IL31RA: variants seen among roughly 807,000 people sequenced by gnomAD.
IL31RA encodes the protein interleukin-31 receptor subunit alpha.
In IL31RA, 66 loss-of-function variants were observed where a neutral mutation model predicts 83.7. The observed-to-expected ratio is 0.79, with a 90% CI of 0.65 to 0.97. The LOEUF (loss-of-function observed/expected upper bound fraction) is 0.97, where lower values mean the gene tolerates loss of function less well. IL31RA is among the 50% of genes least tolerant of loss of function. The pLI, the probability that IL31RA is intolerant of heterozygous loss-of-function variation, is 0.00. For missense variants in IL31RA, 798 were observed against 919.4 expected (o/e 0.87, Z 1.71); for synonymous variants, 325 against 329.0 (o/e 0.99, Z 0.13).
chr5:55,915,016 T>C (rs528334052), intron 14 of IL31RA, 88 bp downstream of exon 14: 28 of 1,023,322 alleles, frequency 2.7e-5, no homozygotes, highest in Non-Finnish European at 3.7e-5. Context: ...TAGGCTGAGC[T>C]TTTTTCAAGG....
Position 55,908,702 on chromosome 5 carries a change from C to T in IL31RA, c.1501+291C>T, listed in dbSNP as rs781090762. 4.5e-5 allele frequency: 66 copies of T among 1,462,416 alleles called. No individual in the cohort carries two copies. The South Asian group carries it at 6.0e-4, about 13-fold the overall frequency. 90.6% of individuals were successfully genotyped at this position (1,462,416 alleles called of 1,614,324 possible). A position where few individuals can be genotyped will look rare whatever the true frequency, so the allele number is the denominator to read the frequency against. On this transcript the variant is annotated intron_variant, in intron 11 of 14. Transcript: ENST00000652347. ...CTGAATTGACCTCCCGGGAGCTCCC[C>T]GACCATCATTCCCAGGAATGGCGTG...
intron 4 of IL31RA, among the ~76,000 whole-genome samples, chr5:55,879,408 T>G (rs1026634815): frequency 2.0e-5 from 3 of 146,850 alleles, no homozygotes; most frequent in Admixed American, 2.0e-4. Flanking sequence ...ACAAGTTTAG[T>G]TCAGCCAGTT....
rs1196040929 is a variant in IL31RA at position 55,920,516 on chromosome 5, C to T, written c.*3396C>T. ...GGAACACAGCCATGCCCATCGTTGA[C>T]CTATTCCCTATGGCGGCTTGCCCCT... On this transcript the variant is annotated 3_prime_UTR_variant, in exon 15 of 15. Transcript: ENST00000652347. Among the ~76,000 whole-genome samples, 1 of 152,238 alleles carries T rather than the reference C, an allele frequency of 6.6e-6. No individual in the cohort carries two copies. Among genetic ancestry groups the T allele is most frequent in the Non-Finnish European group, 1.5e-5 (1 of 68,040 alleles).
At chr5:55,842,871 G>T in the IL31RA span, among the ~76,000 whole-genome samples, 1 of 152,152 alleles carries the variant, frequency 6.6e-6, no homozygotes, top group South Asian at 2.1e-4. Context: ...TGATTCAATT[G>T]TGTTAATTGT....
At position 55,900,097 on chromosome 5, in the gene IL31RA, T is replaced by C. The variant is rs752333005; in HGVS notation, c.1034T>C (p.Val345Ala). The change falls in exon 8 of 15, where the codon GTG becomes GCG. Residue 345 changes from valine (V) to alanine (A), a missense_variant. By Grantham distance (64) the Val-to-Ala change is moderately conservative. Transcript: ENST00000652347. Reference protein sequence around the residue: ...ISYNSLGKSPVATLRIPAIQE... With the variant: ...ISYNSLGKSPAATLRIPAIQE... The stretch of plus-strand genomic sequence containing the variant: ...TATAATTCTCTTGGGAAGTCTCCAG[T>C]GGCCACCCTGAGGATTCCAGCTATT... 1.9e-6 allele frequency: 3 copies of C among 1,614,070 alleles called. No homozygotes were observed. The highest frequency in any genetic ancestry group is 1.1e-5 in the South Asian group (1 of 91,086).
intron 4 of IL31RA, among the ~76,000 whole-genome samples, chr5:55,882,109 A>G (rs1747278132): frequency 2.1e-5 from 1 of 46,638 alleles, no homozygotes; most frequent in Non-Finnish European, 6.1e-5. Context: ...ACAGCCAATT[A>G]TTAGGTTTGC....
chr5:55,909,853 C>T (rs1459545622), intron 11 of IL31RA, among the ~76,000 whole-genome samples: 3 of 152,078 alleles, frequency 2.0e-5, no homozygotes, highest in Non-Finnish European at 4.4e-5. Flanking sequence ...TGCAGGTGTG[C>T]ACCACCACGT....
rs1007186581 is a variant in IL31RA at position 55,914,111 on chromosome 5, T to C, written c.1736+541T>C. ...TGGGGAAGAAAGCATGTCTTCAGGG[T>C]CTTAGACTTTCTCTCTGCAGTGAGC... On this transcript the variant is annotated intron_variant, in intron 13 of 14. Transcript: ENST00000652347. Among the ~76,000 whole-genome samples, 8 of 152,166 alleles carry C rather than the reference T, an allele frequency of 5.3e-5. No individual in the cohort carries two copies. In the East Asian group the frequency reaches 1.3e-3, roughly 26 times the overall value.
At chr5:55,839,953 C>T in the IL31RA span, 6 of 647,242 alleles carry the variant, frequency 9.3e-6, no homozygotes, top group South Asian at 3.3e-5. Context: ...TGCACTTCAT[C>T]GGCCAAGCAA....
chr5:55,895,690 G>A (rs923249327), intron 6 of IL31RA, among the ~76,000 whole-genome samples: 2 of 152,158 alleles, frequency 1.3e-5, no homozygotes, highest in East Asian at 1.9e-4. Context: ...AAAGATCCAC[G>A]TGATAAATTC....
Position 55,914,849 on chromosome 5 carries a change from A to C in IL31RA, c.1739A>C (p.Lys580Thr). 6.2e-7 allele frequency: 1 copy of C among 1,610,128 alleles called. No individual in the cohort carries two copies. Among genetic ancestry groups the C allele is most frequent in the Admixed American group, 1.7e-5 (1 of 60,018 alleles). Residue 580 changes from lysine (K) to threonine (T), a missense_variant and splice_region_variant, in exon 14 of 15, where the codon AAA becomes ACA. Lys to Thr is a moderately conservative substitution (Grantham distance 78, BLOSUM62 -1). Transcript: ENST00000652347. The stretch of plus-strand genomic sequence containing the variant: ...CTTAAAATCTTCTCTCTCATTAGCA[A>C]ATTGACTCATCTGTGTTGGCCCACC... ...TVAYGLKKPN[K>T]LTHLCWPTVP...
At chr5:55,865,899 C>A (rs1164019796) in intron 2 of IL31RA, among the ~76,000 whole-genome samples, 1 of 152,206 alleles carries the variant, frequency 6.6e-6, no homozygotes, top group Non-Finnish European at 1.5e-5. Flanking sequence ...GCTTATGTGA[C>A]TGCAGACTTG....
chr5:55,839,815 CA>C, the IL31RA span: 8 of 762,386 alleles, frequency 1.0e-5, no homozygotes, highest in Non-Finnish European at 2.0e-5. Context: ...TGTCCTTTTT[CA>C]GGGCCAATTT....
chr5:55,912,997 G>T (rs1317785829), intron 12 of IL31RA, among the ~76,000 whole-genome samples: 22 of 152,196 alleles, frequency 1.4e-4, no homozygotes, highest in Non-Finnish European at 2.9e-5. Context: ...AAAAGTAAGT[G>T]CTCAATAAGT....
At chr5:55,897,052 G>A (rs1190450303) in intron 7 of IL31RA, among the ~76,000 whole-genome samples, 1 of 66,530 alleles carries the variant, frequency 1.5e-5, no homozygotes, top group Non-Finnish European at 2.8e-5. Context: ...GTCTTGCTGT[G>A]TTGTCCAGGC....
At chr5:55,859,737 T>C in intron 2 of IL31RA, 138 bp downstream of exon 2, 1 of 717,544 alleles carries the variant, frequency 1.4e-6, no homozygotes, top group Non-Finnish European at 2.5e-6. Context: ...CCTGAATTTG[T>C]GTGTGTGTCT....
intron 5 of IL31RA, among the ~76,000 whole-genome samples, chr5:55,887,377 A>T (rs780738046): frequency 2.6e-5 from 4 of 152,216 alleles, no homozygotes; most frequent in Non-Finnish European, 4.4e-5. Flanking sequence ...CCTAGTCTAA[A>T]GGGTTTGCAC....
chr5:55,907,557 C>A, intron 10 of IL31RA, 97 bp downstream of exon 10: 1 of 813,620 alleles, frequency 1.2e-6, no homozygotes, highest in Non-Finnish European at 2.2e-6. Context: ...TCCCAGCCAT[C>A]TTAGGGCTCA....
intron 6 of IL31RA, among the ~76,000 whole-genome samples, chr5:55,893,470 C>A (rs1428002710): frequency 6.6e-6 from 1 of 152,200 alleles, no homozygotes. Context: ...CTGCATCAGT[C>A]CAGACAATTG....
Sources: allele counts gnomAD v4.1 joint callset (sites outside exome capture counted in the v4.1 genomes callset), GRCh38; gene constraint gnomAD v4.1.1; transcripts MANE v1.5; gene names NCBI Gene and HGNC (gene_info 2026-07-23, HGNC 2026-07-21).